Variants in HCRTR1 observed in about 807,000 individuals in gnomAD.
HCRTR1 encodes hypocretin receptor 1.
Under a neutral mutation model 40.6 loss-of-function variants are expected in HCRTR1, and 28 were observed. The observed-to-expected ratio is 0.69, with a 90% CI of 0.51 to 0.95. The LOEUF is 0.95. HCRTR1 is among the 40% of genes least tolerant of loss of function. The pLI, the probability that HCRTR1 is intolerant of heterozygous loss-of-function variation, is 0.00. For missense variants in HCRTR1, 482 were observed against 564.7 expected, an observed-to-expected ratio of 0.85 and a Z score of 1.48; for synonymous variants, 209 against 230.0, an observed-to-expected ratio of 0.91 and a Z score of 0.83.
chr1:31,632,790 C>T, downstream of HCRTR1: 1 of 912,272 alleles, frequency 1.1e-6, no homozygotes, highest in Non-Finnish European at 1.6e-6. Context: ...GCACCTGAGA[C>T]ACCCACATCA....
chr1:31,619,246 A>G lies in HCRTR1; in HGVS notation c.54A>G (p.Arg18=). ...GAQMGVPPGS[R]EPSPVPPDYE... The stretch of plus-strand genomic sequence containing the variant: ...AGATGGGGGTCCCCCCTGGCAGCAG[A>G]GAGCCGTCCCCTGTGCCTCCAGACT... The change falls in exon 3 of 9, where the codon AGA becomes AGG. Residue 18 remains arginine, a synonymous_variant. Coordinates refer to ENST00000403528, the MANE Select transcript of HCRTR1 (RefSeq NM_001525.3). The G allele has an allele frequency of 2.5e-6, 4 of 1,613,774 alleles. No homozygotes were observed. Among genetic ancestry groups the G allele is most frequent in the Non-Finnish European group, 3.4e-6 (4 of 1,180,012 alleles).
chr1:31,627,230 C>T lies in HCRTR1; in HGVS notation c.*250C>T, dbSNP rs1295697522. 1.3e-6 allele frequency: 2 copies of T among 1,490,944 alleles called. No individual in the cohort carries two copies. Among genetic ancestry groups the T allele is most frequent in the African/African-American group, 2.8e-5 (2 of 72,142 alleles). The allele number at this position is 1,490,944 out of a possible 1,614,324, so 92.4% of individuals were successfully genotyped here. The stretch of plus-strand genomic sequence containing the variant: ...TGGACATGATTATTGTTGTACTTCT[C>T]TCATTTGGCCATACCCCACAGTATA... On this transcript the variant is annotated 3_prime_UTR_variant, in exon 9 of 9. Transcript: ENST00000403528.
downstream of HCRTR1, chr1:31,632,499 C>A: frequency 6.2e-7 from 1 of 1,614,258 alleles, no homozygotes; most frequent in Non-Finnish European, 8.5e-7. Flanking sequence ...CCGCACCTTG[C>A]TGCAGCTCTG....
Position 31,626,549 on chromosome 1 carries a change from GCA to G in HCRTR1, c.1088-238_1088-237del. ...GTTTTGAGTCAGCCTCCGAGCCAGA[GCA>G]CAGTCAAGGAATCAGATGGCAATTG... On this transcript the variant is annotated intron_variant, in intron 8 of 8. Transcript: ENST00000403528. The surrounding 1 kb of genome is among the most constrained non-coding windows in gnomAD (Gnocchi z 4.6). Among the ~76,000 whole-genome samples, 1 of 152,254 alleles carries G rather than the reference GCA, an allele frequency of 6.6e-6. No individual in the cohort carries two copies. The highest frequency in any genetic ancestry group is 3.4e-3 in the Middle Eastern group (1 of 294).
intron 6 of HCRTR1, 68 bp from the exon 7 acceptor site, chr1:31,623,455 C>A: frequency 7.1e-7 from 1 of 1,403,534 alleles, no homozygotes; most frequent in Non-Finnish European, 9.7e-7. Context: ...TGGAGTAGGC[C>A]CCACAAAAGG....
In HCRTR1 at chr1:31,625,274, G is replaced by A. The variant is rs1055787405; in HGVS notation, c.1087+156G>A. On this transcript the variant is annotated intron_variant, in intron 8 of 8. Coordinates refer to ENST00000403528, the MANE Select transcript of HCRTR1 (RefSeq NM_001525.3). The surrounding 1 kb of genome is among the most constrained non-coding windows in gnomAD (Gnocchi z 4.2). ...TGCTCTGGGAGGACCCACCCCAAGC[G>A]GCCCTGGCCTGAGTGGGAGACGGGC... Among the ~76,000 whole-genome samples the A allele has an allele frequency of 3.9e-5, 6 of 152,188 alleles. No individual in the cohort carries two copies. The highest frequency in any genetic ancestry group is 7.3e-5 in the Non-Finnish European group (5 of 68,030).
At chr1:31,633,995 G>A (rs1356624549), downstream of HCRTR1, among the ~76,000 whole-genome samples, 1 of 151,734 alleles carries the variant, frequency 6.6e-6, no homozygotes, top group Non-Finnish European at 1.5e-5. Flanking sequence ...AAACAGTGTA[G>A]AAGCTGGTAA....
chr1:31,624,238 C>T (rs3134718), intron 7 of HCRTR1, among the ~76,000 whole-genome samples: 63,576 of 151,810 alleles, frequency 0.42, 15,869 homozygotes, highest in Non-Finnish European at 0.55. Flanking sequence ...GAGGGAGGAT[C>T]GCTTGAGGCC....
Position 31,619,348 on chromosome 1 carries a change from C to A in HCRTR1, c.156C>A (p.Ala52=), listed in dbSNP as rs747460880. Residue 52 remains alanine (A), a synonymous_variant, in exon 3 of 9, where the codon GCC becomes GCA. Coordinates refer to ENST00000403528, the MANE Select transcript of HCRTR1 (RefSeq NM_001525.3). ...AGTATGAGTGGGTCCTCATCGCAGC[C>A]TATGTGGCTGTGTTCGTCGTGGCCC... ...PKQYEWVLIA[A]YVAVFVVALV... 25 of 1,614,120 alleles carry A rather than the reference C, an allele frequency of 1.5e-5. No homozygotes were observed. In the Admixed American group the frequency reaches 4.2e-4, roughly 27 times the overall value.
chr1:31,622,539 G>T (rs1409111853), intron 6 of HCRTR1, among the ~76,000 whole-genome samples: 1 of 152,058 alleles, frequency 6.6e-6, no homozygotes, highest in East Asian at 1.9e-4. Flanking sequence ...AGCCAAGCAG[G>T]ACACAGGCAC....
At position 31,619,735 on chromosome 1, in the gene HCRTR1, A is replaced by G. The variant is rs202231907; in HGVS notation, c.378+25A>G. 5 of 1,566,206 alleles carry G rather than the reference A, an allele frequency of 3.2e-6. No homozygotes were observed. In the South Asian group the frequency reaches 6.0e-5, roughly 19 times the overall value. ...GGTGAGCTCTGCCCAGGCACCCCTC[A>G]CCACTCCTTGTCACGCCTGTAAAAA... On this transcript the variant is annotated intron_variant, in intron 4 of 8. Coordinates refer to ENST00000403528, the MANE Select transcript of HCRTR1 (RefSeq NM_001525.3).
At chr1:31,628,035 A>AGAT (rs113461431), downstream of HCRTR1, among the ~76,000 whole-genome samples, 18,142 of 152,206 alleles carry the variant, frequency 0.12, 1,531 homozygotes, top group African/African-American at 0.24. Flanking sequence ...TCTGCCACCG[A>AGAT]GATTTTAAGG....
At position 31,626,595 on chromosome 1, in the gene HCRTR1, C is replaced by T. The variant is rs1192595386; in HGVS notation, c.1088-195C>T. ...GCAATTGCGTCTCTCCTTGGGAACCCGCTCCAGGGCTTCTGTCCTCTCTCT... is the reference window on the plus strand; with the variant it reads ...GCAATTGCGTCTCTCCTTGGGAACCTGCTCCAGGGCTTCTGTCCTCTCTCT... On this transcript the variant is annotated intron_variant, in intron 8 of 8. Transcript: ENST00000403528. This position sits in a 1 kb window ranked among gnomAD's most constrained non-coding sequence, Gnocchi z 4.6. Among the ~76,000 whole-genome samples the T allele has an allele frequency of 1.3e-5, 2 of 152,088 alleles. No individual in the cohort carries two copies. Among genetic ancestry groups the T allele is most frequent in the African/African-American group, 2.4e-5 (1 of 41,400 alleles).
At chr1:31,632,739 T>C, downstream of HCRTR1, 1 of 1,395,694 alleles carries the variant, frequency 7.2e-7, no homozygotes, top group Admixed American at 2.3e-5. Flanking sequence ...CAGGCTGGAG[T>C]AGGCGACTTC....
Position 31,626,712 on chromosome 1 carries a change from C to T in HCRTR1, c.1088-78C>T, listed in dbSNP as rs1232091462. 9 of 987,634 alleles carry T rather than the reference C, an allele frequency of 9.1e-6. No individual in the cohort carries two copies. Among genetic ancestry groups the T allele is most frequent in the Admixed American group, 4.8e-5 (2 of 41,618 alleles). 61.2% of individuals were successfully genotyped at this position (987,634 alleles called of 1,614,324 possible). A position where few individuals can be genotyped will look rare whatever the true frequency, so the allele number is the denominator to read the frequency against. On this transcript the variant is annotated intron_variant, in intron 8 of 8. Transcript: ENST00000403528. The surrounding 1 kb of genome is among the most constrained non-coding windows in gnomAD (Gnocchi z 4.6). ...CTCATAGGCAGCTTGGCTGGAGCTG[C>T]GTGGGTGTCCCTGGGCTCAAGGCCC...
chr1:31,632,479 C>G (rs1308963478), downstream of HCRTR1: 3 of 1,614,234 alleles, frequency 1.9e-6, no homozygotes, highest in Non-Finnish European at 2.5e-6. Flanking sequence ...CATCGTGCCC[C>G]GGCCATGACC....
At chr1:31,620,280 C>T (rs1416204183) in intron 4 of HCRTR1, among the ~76,000 whole-genome samples, 4 of 152,240 alleles carry the variant, frequency 2.6e-5, no homozygotes, top group African/African-American at 9.6e-5. Flanking sequence ...CTGACCCAGA[C>T]TCATCTCTGC....
In HCRTR1 at chr1:31,627,304, C is replaced by T; in HGVS notation, c.*324C>T. ...AGCTTGGTCATCCTCCTAAAGACCC[C>T]TTTCCTACCCAATTACAGGCCTTCC... On this transcript the variant is annotated 3_prime_UTR_variant, in exon 9 of 9. Transcript: ENST00000403528. The T allele has an allele frequency of 7.5e-7, 1 of 1,336,768 alleles. No homozygotes were observed. The highest frequency in any genetic ancestry group is 9.8e-7 in the Non-Finnish European group (1 of 1,021,092). The allele number at this position is 1,336,768 out of a possible 1,614,324, so 82.8% of individuals were successfully genotyped here.
At chr1:31,630,288 G>A, downstream of HCRTR1, 1 of 374,860 alleles carries the variant, frequency 2.7e-6, no homozygotes, top group South Asian at 2.6e-5. Flanking sequence ...GCATCAGGGT[G>A]GAGCTCAGCT....
Sources: gnomAD v4.1 joint callset for allele counts (sites outside exome capture counted in the v4.1 genomes callset) on GRCh38, gnomAD v4.1.1 for gene constraint, Gnocchi (gnomAD v3.1) non-coding constraint, MANE v1.5 for transcripts, NCBI Gene and HGNC (gene_info 2026-07-23, HGNC 2026-07-21) for gene names.